RORA: variants seen among roughly 807,000 people sequenced by gnomAD.
RORA encodes the protein nuclear receptor ROR-alpha.
A neutral mutation model predicts 69.5 loss-of-function variants in RORA; 7 were observed. That is an observed-to-expected ratio of 0.10 (90% CI 0.06 to 0.19). The LOEUF is 0.19. Among genes scored for constraint, RORA ranks in the 10% least tolerant of loss-of-function variants. The probability of loss-of-function intolerance (pLI) is 1.00; values close to 1 mark genes in which losing one functional copy is unlikely to be tolerated. For missense variants in RORA, 457 were observed against 663.0 expected (o/e 0.69, Z 3.41); for synonymous variants, 261 against 240.8 (o/e 1.08, Z -0.78).
At chr15:61,228,347 C>T (rs1417247511) in intron 1 of RORA, among the ~76,000 whole-genome samples, 2 of 151,874 alleles carry the variant, frequency 1.3e-5, no homozygotes, top group African/African-American at 4.8e-5. Flanking sequence ...ACTTGCGCAT[C>T]TCCCCTCGCC....
intron 1 of RORA, among the ~76,000 whole-genome samples, chr15:61,151,952 C>T (rs2079401691): frequency 1.3e-5 from 2 of 152,150 alleles, no homozygotes; most frequent in African/African-American, 4.8e-5. Context: ...AAAGAGGGCC[C>T]ACTGTGCTCT....
chr15:60,791,769 C>G (rs1177050943), intron 1 of RORA, among the ~76,000 whole-genome samples: 1 of 152,174 alleles, frequency 6.6e-6, no homozygotes, highest in Non-Finnish European at 1.5e-5. Flanking sequence ...CTGTCGACCG[C>G]AGGAACAACA....
chr15:60,887,834 C>T (rs2073768500), intron 1 of RORA, among the ~76,000 whole-genome samples: 2 of 152,166 alleles, frequency 1.3e-5, no homozygotes, highest in East Asian at 3.8e-4. Context: ...GTGGAGGTTC[C>T]AGCAATGGTA....
intron 1 of RORA, among the ~76,000 whole-genome samples, chr15:61,224,200 G>A (rs998543497): frequency 6.6e-6 from 1 of 152,190 alleles, no homozygotes; most frequent in Non-Finnish European, 1.5e-5. Context: ...ACTAATCTGG[G>A]ATGAATGGGA....
intron 1 of RORA, among the ~76,000 whole-genome samples, chr15:61,155,606 A>G (rs1236768335): frequency 1.3e-5 from 2 of 152,240 alleles, no homozygotes; most frequent in Non-Finnish European, 2.9e-5. Context: ...TCCTTGGGCT[A>G]TCAGGCAACA....
chr15:60,924,152 G>C (rs1474178053), intron 1 of RORA, among the ~76,000 whole-genome samples: 1 of 151,966 alleles, frequency 6.6e-6, no homozygotes, highest in African/African-American at 2.4e-5. Flanking sequence ...AAAGAACTCT[G>C]ACTTTCAGCT....
At position 60,697,350 on chromosome 15, in the gene RORA, C is replaced by T. The variant is rs1302547329; in HGVS notation, c.167-18664G>A. Among the ~76,000 whole-genome samples, 9 of 152,126 alleles carry T rather than the reference C, an allele frequency of 5.9e-5. No individual in the cohort carries two copies. In the South Asian group the frequency reaches 1.5e-3, roughly 25 times the overall value. ...CCCAACAAACTGTTTTTTCAAAAGC[C>T]ACAAGCCTAGGTTAGATGCTTTGTC... On this transcript the variant is annotated intron_variant, in intron 1 of 10. Coordinates refer to ENST00000335670, the MANE Select transcript of RORA (RefSeq NM_134261.3).
intron 1 of RORA, among the ~76,000 whole-genome samples, chr15:60,915,403 C>T (rs939458027): frequency 6.6e-6 from 1 of 152,186 alleles, no homozygotes. Context: ...GGGGCACAGG[C>T]CCCAGTGCAG....
At chr15:61,078,329 C>CTGTGTGTG (rs56676588) in intron 1 of RORA, among the ~76,000 whole-genome samples, 3,411 of 133,178 alleles carry the variant, frequency 0.026, 83 homozygotes, top group East Asian at 0.061. Context: ...ACACCTGGCT[C>CTGTGTGTG]TGTGTGTGTG....
intron 1 of RORA, among the ~76,000 whole-genome samples, chr15:60,925,905 G>A (rs1357591291): frequency 6.6e-6 from 1 of 152,200 alleles, no homozygotes; most frequent in Non-Finnish European, 1.5e-5. Context: ...TACGATGAGT[G>A]GAAACACAAC....
chr15:61,060,432 G>A (rs1393501883), intron 1 of RORA, among the ~76,000 whole-genome samples: 1 of 152,182 alleles, frequency 6.6e-6, no homozygotes, highest in East Asian at 1.9e-4. Context: ...CACCCCCTGA[G>A]AGCAGGCACT....
chr15:60,646,888 G>C (rs554934544), intron 2 of RORA, among the ~76,000 whole-genome samples: 12 of 152,272 alleles, frequency 7.9e-5, no homozygotes, highest in East Asian at 1.9e-4. Flanking sequence ...GGCTTCACAG[G>C]GTGGCTGCGG....
chr15:60,938,848 C>T (rs1010388651), intron 1 of RORA, among the ~76,000 whole-genome samples: 3 of 152,140 alleles, frequency 2.0e-5, no homozygotes, highest in East Asian at 1.9e-4. Flanking sequence ...TCTTTTCTTT[C>T]GGCTACTGAA....
chr15:60,499,933 C>T lies in RORA; in HGVS notation c.1366G>A (p.Val456Ile), dbSNP rs751496024. The change falls in exon 10 of 11, where the codon GTC (valine) becomes ATC (isoleucine). Residue 456 changes from valine to isoleucine, a missense_variant. Physicochemically the swap from Val to Ile is conservative, Grantham distance 29. Transcript: ENST00000335670. ...QQKIQLALQH[V>I]LQKNHREDGI... ...TCTTCTCGGTGATTCTTCTGTAGGA[C>T]GTGTTGAAGAGCTAGCTGAATTTTC... 9.9e-6 allele frequency: 16 copies of T among 1,611,902 alleles called. No homozygotes were observed. Among genetic ancestry groups the T allele is most frequent in the South Asian group, 5.5e-5 (5 of 90,868 alleles).
At chr15:61,215,136 G>GTA (rs1189736233) in intron 1 of RORA, among the ~76,000 whole-genome samples, 1 of 145,142 alleles carries the variant, frequency 6.9e-6, no homozygotes, top group Non-Finnish European at 1.5e-5. Context: ...GCCCGCCTCA[G>GTA]CCTCCCAAAG....
At chr15:60,759,135 C>T (rs934005628) in intron 1 of RORA, among the ~76,000 whole-genome samples, 4 of 152,140 alleles carry the variant, frequency 2.6e-5, no homozygotes, top group Admixed American at 6.6e-5. Context: ...AACTAACTGA[C>T]GTCAAAATGG....
chr15:60,649,329 C>G (rs1002026032), intron 2 of RORA, among the ~76,000 whole-genome samples: 7 of 152,094 alleles, frequency 4.6e-5, no homozygotes, highest in African/African-American at 1.7e-4. Flanking sequence ...GACAGAAGAT[C>G]TGGCCATTAC....
chr15:61,141,612 C>T (rs1245879131), intron 1 of RORA, among the ~76,000 whole-genome samples: 4 of 152,180 alleles, frequency 2.6e-5, no homozygotes, highest in Admixed American at 1.3e-4. Flanking sequence ...TTCAGAGATA[C>T]AAGACTGCTG....
chr15:60,937,950 G>A (rs773942581), intron 1 of RORA, among the ~76,000 whole-genome samples: 12 of 152,162 alleles, frequency 7.9e-5, no homozygotes, highest in Non-Finnish European at 1.6e-4. Context: ...TGCTTATGAT[G>A]TGCCAGGAAC....
Sources: gnomAD v4.1 joint callset for allele counts (sites outside exome capture counted in the v4.1 genomes callset) on GRCh38, gnomAD v4.1.1 for gene constraint, MANE v1.5 for transcripts, NCBI Gene and HGNC (gene_info 2026-07-23, HGNC 2026-07-21) for gene names.